The following GATB variants were observed in gnomAD, a reference collection of about 807,000 sequenced individuals.
GATB encodes glutamyl-tRNA amidotransferase subunit B.
A neutral mutation model predicts 62.3 loss-of-function variants in GATB; 39 were observed. That is an observed-to-expected ratio of 0.63 (90% CI 0.48 to 0.82). The LOEUF is 0.82. GATB is among the 40% of genes least tolerant of loss of function. The pLI, the probability that GATB is intolerant of heterozygous loss-of-function variation, is 0.00. For missense variants in GATB, 670 were observed against 684.0 expected, an observed-to-expected ratio of 0.98 and a Z score of 0.23; for synonymous variants, 276 against 258.9, an observed-to-expected ratio of 1.07 and a Z score of -0.63.
At chr4:151,678,859 T>A (rs1288050625) in intron 11 of GATB, among the ~76,000 whole-genome samples, 2 of 151,368 alleles carry the variant, frequency 1.3e-5, no homozygotes, top group African/African-American at 4.9e-5. Flanking sequence ...GCCACCTTGG[T>A]GTTCTTGATC....
In GATB at chr4:151,671,072, G is replaced by T; in HGVS notation, c.*102C>A. The T allele has an allele frequency of 7.7e-7, 1 of 1,302,222 alleles. No individual in the cohort carries two copies. The highest frequency in any genetic ancestry group is 1.3e-5 in the South Asian group (1 of 77,816). 80.7% of individuals were successfully genotyped at this position (1,302,222 alleles called of 1,614,324 possible). ...CTGTGGCTTGGGACAGGGATTGAGAGGCAGCTCTCAGGGCACATGGGCATC... is the reference window on the plus strand; with the variant it reads ...CTGTGGCTTGGGACAGGGATTGAGATGCAGCTCTCAGGGCACATGGGCATC... On this transcript the variant is annotated 3_prime_UTR_variant, in exon 13 of 13. Transcript: ENST00000263985.
intron 8 of GATB, 144 bp from the exon 9 acceptor site, chr4:151,701,662 T>C (rs1578910015): frequency 3.3e-6 from 2 of 597,728 alleles, no homozygotes; most frequent in South Asian, 5.0e-5. Flanking sequence ...ACGTCAATTC[T>C]GTTTCCCAGG....
chr4:151,701,421 T>G lies in GATB; in HGVS notation c.1105A>C (p.Ile369Leu), dbSNP rs980881968. ...DPQQVINIDQ[I>L]RETLPELPSV... ...GGGAGCTCCGGGAGTGTCTCCCGAA[T>G]CTGGTCAATATTGATCACTTGCTGT... The change falls in exon 9 of 13, where the codon ATT (isoleucine) becomes CTT (leucine). Residue 369 changes from isoleucine to leucine, a missense_variant. Physicochemically the swap from Ile to Leu is conservative, Grantham distance 5. Transcript: ENST00000263985. The G allele has an allele frequency of 1.2e-6, 2 of 1,605,728 alleles. No homozygotes were observed. The highest frequency in any genetic ancestry group is 1.7e-6 in the Non-Finnish European group (2 of 1,175,922).
chr4:151,681,811 T>G (rs1372196585), intron 10 of GATB, among the ~76,000 whole-genome samples: 2 of 152,174 alleles, frequency 1.3e-5, no homozygotes, highest in African/African-American at 2.4e-5. Context: ...TTCTCACTGG[T>G]GGCACCTTCT....
At chr4:151,701,245 G>T in intron 9 of GATB, 84 bp downstream of exon 9, 1 of 1,137,308 alleles carries the variant, frequency 8.8e-7, no homozygotes, top group Non-Finnish European at 1.2e-6. Context: ...CAGAGCCCAT[G>T]GCAGCCTGTG....
chr4:151,677,425 C>G (rs979784942), intron 11 of GATB: 2 of 152,194 alleles, frequency 1.3e-5, no homozygotes, highest in Admixed American at 6.5e-5. Context: ...CCCTTGCACA[C>G]TAACAGGTGA....
At chr4:151,732,847 T>C (rs1739296360) in intron 2 of GATB, among the ~76,000 whole-genome samples, 1 of 150,788 alleles carries the variant, frequency 6.6e-6, no homozygotes, top group South Asian at 2.1e-4. Context: ...TATTAAAAAC[T>C]ATGTAGAAAT....
chr4:151,719,666 G>A lies in GATB; in HGVS notation c.328-128C>T, dbSNP rs79000331. On this transcript the variant is annotated intron_variant, in intron 2 of 12. Coordinates refer to ENST00000263985, the MANE Select transcript of GATB (RefSeq NM_004564.3). ...AGGCATTATCTCTGGTTCTCTGGGT[G>A]GGCAGCTCCAGTTCACAAGCCGAGT... The A allele has an allele frequency of 2.2e-5, 12 of 555,070 alleles. No individual in the cohort carries two copies. In the East Asian group the frequency reaches 3.8e-4, roughly 18 times the overall value. The allele number at this position is 555,070 out of a possible 1,614,324, so 34.4% of individuals were successfully genotyped here.
chr4:151,708,818 C>G (rs1738765333), intron 5 of GATB, among the ~76,000 whole-genome samples: 1 of 152,094 alleles, frequency 6.6e-6, no homozygotes, highest in Admixed American at 6.5e-5. Context: ...CTTCTTTGAC[C>G]CTGGAGGCCC....
At chr4:151,687,061 C>T (rs1373600081) in intron 10 of GATB, 1 of 152,524 alleles carries the variant, frequency 6.6e-6, no homozygotes, top group Non-Finnish European at 1.5e-5. Flanking sequence ...CCACCAGCTT[C>T]AAGGCTGCCT....
At chr4:151,744,723 T>C (rs1184470042) in intron 2 of GATB, among the ~76,000 whole-genome samples, 3 of 152,134 alleles carry the variant, frequency 2.0e-5, no homozygotes, top group Non-Finnish European at 4.4e-5. Context: ...AAGAACCCAC[T>C]GAAAGTTAGA....
At chr4:151,686,299 G>A (rs1273556274) in intron 10 of GATB, among the ~76,000 whole-genome samples, 1 of 152,098 alleles carries the variant, frequency 6.6e-6, no homozygotes, top group African/African-American at 2.4e-5. Context: ...CTGAGCAGCC[G>A]AGTCGGGAAG....
intron 8 of GATB, among the ~76,000 whole-genome samples, chr4:151,702,454 C>T (rs56227343): frequency 2.2e-4 from 34 of 152,234 alleles, no homozygotes; most frequent in South Asian, 8.3e-4. Context: ...TCAAAACCCA[C>T]GCAATGTACC....
intron 2 of GATB, among the ~76,000 whole-genome samples, chr4:151,729,297 G>A (rs1739197036): frequency 6.6e-6 from 1 of 151,102 alleles, no homozygotes; most frequent in East Asian, 1.9e-4. Flanking sequence ...AAGGAAAGAA[G>A]GAAGAGAGAG....
At chr4:151,740,531 T>G (rs1245328509) in intron 2 of GATB, among the ~76,000 whole-genome samples, 1 of 152,234 alleles carries the variant, frequency 6.6e-6, no homozygotes, top group Non-Finnish European at 1.5e-5. Context: ...CCATAGGAAT[T>G]TTTCAGCTCC....
At chr4:151,693,112 T>C (rs6535816) in intron 9 of GATB, among the ~76,000 whole-genome samples, 60,735 of 152,096 alleles carry the variant, frequency 0.4, 12,496 homozygotes, top group South Asian at 0.57. Context: ...GCTGCTTTAT[T>C]ATTCCTGTGG....
chr4:151,673,452 A>ATGAC (rs1472820512), intron 11 of GATB: 1 of 152,358 alleles, frequency 6.6e-6, no homozygotes, highest in Non-Finnish European at 1.5e-5. Context: ...GCTGGGAAAG[A>ATGAC]TGACTTTAGG....
chr4:151,745,162 TTCTTAAATAGCTAAACA>T (rs1739570682), intron 2 of GATB, among the ~76,000 whole-genome samples: 1 of 152,236 alleles, frequency 6.6e-6, no homozygotes, highest in Admixed American at 6.5e-5. Flanking sequence ...ACATTTTGTC[TTCTTAAATAGCTAAACA>T]TCATCTAAGT....
intron 9 of GATB, among the ~76,000 whole-genome samples, chr4:151,694,046 G>A (rs1040705929): frequency 2.0e-5 from 3 of 152,168 alleles, no homozygotes; most frequent in African/African-American, 7.2e-5. Flanking sequence ...AATTCCAATT[G>A]TAGTCACGTT....
Sources: gnomAD v4.1 joint callset for allele counts (sites outside exome capture counted in the v4.1 genomes callset) on GRCh38, gnomAD v4.1.1 for gene constraint, MANE v1.5 for transcripts, NCBI Gene and HGNC (gene_info 2026-07-23, HGNC 2026-07-21) for gene names.